The following USH2A variants were observed in gnomAD, a reference collection of about 807,000 sequenced individuals.
USH2A encodes the protein Usher syndrome 2A (autosomal recessive, mild).
USH2A carries 443 observed loss-of-function variants against 538.9 expected under a neutral mutation model. The observed-to-expected ratio is 0.82, with a 90% CI of 0.76 to 0.89. The LOEUF is 0.89. Among genes scored for constraint, USH2A ranks in the 40% least tolerant of loss-of-function variants. USH2A has a pLI of 0.00. For synonymous variants in USH2A, 2,413 were observed against 2,273.5 expected (o/e 1.06, Z -1.75); for missense variants, 6,633 against 6,324.8 (o/e 1.05, Z -1.65).
intron 64 of USH2A, 70 bp from the exon 65 acceptor site, chr1:215,650,871 A>AG: frequency 1.3e-6 from 2 of 1,542,090 alleles, no homozygotes; most frequent in African/African-American, 2.8e-5. Context: ...AAAAAAAAAG[A>AG]AAGGAAAAAA....
At chr1:215,708,376 G>T (rs1208411070) in intron 61 of USH2A, among the ~76,000 whole-genome samples, 1 of 152,136 alleles carries the variant, frequency 6.6e-6, no homozygotes, top group Non-Finnish European at 1.5e-5. Flanking sequence ...GTGAATGAAT[G>T]AATCAATTAA....
chr1:215,742,382 C>T (rs1000881986), intron 59 of USH2A, among the ~76,000 whole-genome samples: 4 of 151,596 alleles, frequency 2.6e-5, no homozygotes, highest in African/African-American at 9.7e-5. Flanking sequence ...CTTTATTTAG[C>T]AAATGAGTAT....
intron 52 of USH2A, among the ~76,000 whole-genome samples, chr1:215,784,345 A>T (rs1292903639): frequency 6.6e-6 from 1 of 152,190 alleles, no homozygotes; most frequent in African/African-American, 2.4e-5. Flanking sequence ...TAGACCATCT[A>T]CCTACCCTCA....
Position 215,758,593 on chromosome 1 carries a change from A to C in USH2A, c.11389+2T>G. The C allele has an allele frequency of 6.3e-7, 1 of 1,599,930 alleles. No individual in the cohort carries two copies. Among genetic ancestry groups the C allele is most frequent in the Non-Finnish European group, 8.5e-7 (1 of 1,175,520 alleles). ...ACACACATACTTCTTTTTTTTTTTT[A>C]CCTGGTGGTATCCAAGCTACAAATA... is the stretch of plus-strand genomic sequence containing the variant. On this transcript the variant is annotated splice_donor_variant, in intron 58 of 71. Coordinates refer to ENST00000307340, the MANE Select transcript of USH2A (RefSeq NM_206933.4). LOFTEE classifies it high-confidence loss of function.
At position 216,198,420 on chromosome 1, in the gene USH2A, T is replaced by C. The variant is rs2034902887; in HGVS notation, c.3976A>G (p.Ile1326Val). The C allele has an allele frequency of 6.2e-7, 1 of 1,614,022 alleles. No homozygotes were observed. ...TTGGTGTATGGCTCCAAGCCAGTGA[T>C]GGTTGTCATTGTTTGAGGAGGTTTT... ...ALKPPQTMTTITGLEPYTKYE... is the reference protein window; with the variant it reads ...ALKPPQTMTTVTGLEPYTKYE... Residue 1326 changes from isoleucine to valine, a missense_variant, in exon 18 of 72, where the codon ATC (isoleucine) becomes GTC (valine). Coordinates refer to ENST00000307340, the MANE Select transcript of USH2A (RefSeq NM_206933.4).
intron 45 of USH2A, among the ~76,000 whole-genome samples, 176 bp downstream of exon 45, chr1:215,845,648 G>A (rs1044552532): frequency 6.6e-6 from 1 of 152,146 alleles, no homozygotes; most frequent in African/African-American, 2.4e-5. Flanking sequence ...GTCTCAATGG[G>A]ACTGCTTATT....
At chr1:215,736,524 A>G (rs1159807224) in intron 60 of USH2A, among the ~76,000 whole-genome samples, 3 of 152,120 alleles carry the variant, frequency 2.0e-5, no homozygotes, top group Non-Finnish European at 4.4e-5. Flanking sequence ...ATTTCCAATA[A>G]CAATATTAAT....
At chr1:215,722,736 A>G (rs1473890711) in intron 61 of USH2A, among the ~76,000 whole-genome samples, 1 of 152,162 alleles carries the variant, frequency 6.6e-6, no homozygotes, top group African/African-American at 2.4e-5. Context: ...CTTATGCTTG[A>G]TTCTACACAG....
At chr1:216,251,929 A>T (rs976375799) in intron 11 of USH2A, among the ~76,000 whole-genome samples, 1 of 152,076 alleles carries the variant, frequency 6.6e-6, no homozygotes, top group South Asian at 2.1e-4. Context: ...ATCCTAATAC[A>T]TTTTTTTCTT....
intron 35 of USH2A, among the ~76,000 whole-genome samples, chr1:215,991,447 G>A (rs950757164): frequency 6.6e-6 from 1 of 152,020 alleles, no homozygotes; most frequent in East Asian, 1.9e-4. Flanking sequence ...AAAATTGGGG[G>A]AAAGTGGGGA....
intron 44 of USH2A, among the ~76,000 whole-genome samples, chr1:215,852,354 C>T (rs183125033): frequency 2.6e-5 from 4 of 152,052 alleles, no homozygotes; most frequent in East Asian, 1.9e-4. Context: ...GGAAAAGACC[C>T]GCCCCCATGA....
At chr1:215,734,768 A>G (rs1288189703) in intron 60 of USH2A, among the ~76,000 whole-genome samples, 1 of 152,216 alleles carries the variant, frequency 6.6e-6, no homozygotes, top group Admixed American at 6.5e-5. Context: ...GTTCTTTGCT[A>G]GGGCATAACA....
At chr1:216,278,201 A>G (rs2036706801) in intron 11 of USH2A, among the ~76,000 whole-genome samples, 1 of 152,066 alleles carries the variant, frequency 6.6e-6, no homozygotes, top group Non-Finnish European at 1.5e-5. Context: ...CCAATTTTGT[A>G]TACCTGGGCC....
intron 38 of USH2A, among the ~76,000 whole-genome samples, chr1:215,930,193 A>G (rs1394543606): frequency 1.3e-5 from 2 of 152,048 alleles, no homozygotes; most frequent in Non-Finnish European, 2.9e-5. Context: ...TCACTGTTAC[A>G]ATAAAGCAGT....
At chr1:215,745,220 A>G (rs1660438474) in intron 58 of USH2A, among the ~76,000 whole-genome samples, 1 of 152,202 alleles carries the variant, frequency 6.6e-6, no homozygotes, top group Admixed American at 6.5e-5. Context: ...AATTTTATCA[A>G]TTAATTCTTT....
At chr1:215,634,075 G>A (rs1171025233) in intron 70 of USH2A, among the ~76,000 whole-genome samples, 2 of 152,022 alleles carry the variant, frequency 1.3e-5, no homozygotes, top group East Asian at 1.9e-4. Context: ...ATTTCCCCAG[G>A]TAATCTCAAC....
intron 4 of USH2A, among the ~76,000 whole-genome samples, chr1:216,339,475 T>C (rs2038034571): frequency 6.6e-6 from 1 of 151,722 alleles, no homozygotes; most frequent in Non-Finnish European, 1.5e-5. Flanking sequence ...TAAATGTAAA[T>C]GCAGAATGTG....
chr1:216,215,140 C>A (rs1343285439), intron 15 of USH2A, among the ~76,000 whole-genome samples: 1 of 151,994 alleles, frequency 6.6e-6, no homozygotes, highest in Non-Finnish European at 1.5e-5. Context: ...AGGATTCCCA[C>A]CCTGACAGCC....
chr1:216,217,077 A>C (rs557228011), intron 15 of USH2A, among the ~76,000 whole-genome samples: 3 of 152,112 alleles, frequency 2.0e-5, no homozygotes, highest in Non-Finnish European at 2.9e-5. Flanking sequence ...TTTACCATTA[A>C]AAGTCTTGTG....
Sources: gnomAD v4.1 joint callset for allele counts (sites outside exome capture counted in the v4.1 genomes callset) on GRCh38, gnomAD v4.1.1 for gene constraint, MANE v1.5 for transcripts, NCBI Gene and HGNC (gene_info 2026-07-23, HGNC 2026-07-21) for gene names.